The following SIX5 variants were observed in gnomAD, a reference collection of about 807,000 sequenced individuals.
SIX5 encodes homeobox protein SIX5.
SIX5 carries 21 observed loss-of-function variants against 37.1 expected under a neutral mutation model. That is an observed-to-expected ratio of 0.57 (90% CI 0.40 to 0.81). The LOEUF (loss-of-function observed/expected upper bound fraction) is 0.81. SIX5 is among the 40% of genes least tolerant of loss of function. The pLI is 0.00. For synonymous variants in SIX5, 626 were observed against 505.9 expected, an observed-to-expected ratio of 1.24 and a Z score of -3.19; for missense variants, 1,137 against 1,025.1, an observed-to-expected ratio of 1.11 and a Z score of -1.49.
intron 1 of SIX5, among the ~76,000 whole-genome samples, chr19:45,767,644 A>C (rs1398374087): frequency 6.6e-6 from 1 of 151,858 alleles, no homozygotes; most frequent in Non-Finnish European, 1.5e-5. Context: ...CCGGGCCCGG[A>C]GGGAGTGTGG....
At position 45,765,420 on chromosome 19, in the gene SIX5, C is replaced by T. The variant is rs891584801; in HGVS notation, c.*81G>A. The T allele has an allele frequency of 4.3e-5, 69 of 1,601,744 alleles. No individual in the cohort carries two copies. In the African/African-American group the frequency reaches 5.2e-4, roughly 12 times the overall value. ...TGGTGACTGGGGTCTTCAGCAACCG[C>T]ATTTCTGGGGCTCCCCCCTCCCATT... On this transcript the variant is annotated 3_prime_UTR_variant, in exon 3 of 3. Coordinates refer to ENST00000317578, the MANE Select transcript of SIX5 (RefSeq NM_175875.5).
At position 45,766,559 on chromosome 19, in the gene SIX5, C is replaced by T. The variant is rs372239517; in HGVS notation, c.1400G>A (p.Ser467Asn). Residue 467 changes from serine to asparagine, a missense_variant, in exon 2 of 3, where the codon AGC becomes AAC. This residue lies in a region of SIX5 where 787 missense variants were observed against 621.4 expected (regional missense o/e 1.27). Transcript: ENST00000317578. ...SPPPGYPTGLSPTSPLLNLPQ... is the reference protein window; with the variant it reads ...SPPPGYPTGLNPTSPLLNLPQ... ...CAGGTTCAATAGTGGGGAGGTGGGGCTCAGGCCCGTGGGATACCCCGGGGG... is the reference window on the plus strand; with the variant it reads ...CAGGTTCAATAGTGGGGAGGTGGGGTTCAGGCCCGTGGGATACCCCGGGGG... 2.3e-5 allele frequency: 34 copies of T among 1,478,256 alleles called. No homozygotes were observed. In the African/African-American group the frequency reaches 4.6e-4, roughly 20 times the overall value. 91.6% of individuals were successfully genotyped at this position (1,478,256 alleles called of 1,614,324 possible).
Position 45,768,381 on chromosome 19 carries a change from G to C in SIX5, c.464C>G (p.Ala155Gly), listed in dbSNP as rs761908391. The change falls in exon 1 of 3, where the codon GCC becomes GGC. Residue 155 changes from alanine to glycine, a missense_variant. Transcript: ENST00000317578. ...GAGGTCCTGCAGGAAGGCGTGGTGGGCGGCGGGGAAGGGGCGGCTCTCGAG... is the reference window on the plus strand; with the variant it reads ...GAGGTCCTGCAGGAAGGCGTGGTGGCCGGCGGGGAAGGGGCGGCTCTCGAG... The part of the protein sequence containing the change: ...RLLESRPFPA[A>G]HHAFLQDLYL... 6.3e-7 allele frequency: 1 copy of C among 1,584,504 alleles called. No homozygotes were observed. Among genetic ancestry groups the C allele is most frequent in the East Asian group, 2.3e-5 (1 of 43,972 alleles).
At position 45,765,908 on chromosome 19, in the gene SIX5, TG is replaced by T; in HGVS notation, c.1812del (p.Ser605AlafsTer10). ...SVPEGGLPVA[P>X]SPALPEAHAL... is the part of the protein sequence containing the mutation. ...GCGTGAGCCTCTGGGAGAGCAGGGC[TG>T]GGGGCCACCGGGAGGCCTCCCTCAG... On this transcript the variant is annotated frameshift_variant, in exon 3 of 3. Transcript: ENST00000317578. LOFTEE classifies it low-confidence loss of function (END_TRUNC). The T allele has an allele frequency of 6.3e-7, 1 of 1,590,072 alleles. No individual in the cohort carries two copies.
In SIX5 at chr19:45,765,596, T is replaced by G. The variant is rs749174953; in HGVS notation, c.2125A>C (p.Thr709Pro). Residue 709 changes from threonine (T) to proline (P), a missense_variant, in exon 3 of 3, where the codon ACC becomes CCC. Thr to Pro is a conservative substitution (Grantham distance 38). Around this residue, in one of 3 missense-constraint regions of SIX5, gnomAD observed 787 missense variants for 621.4 expected, o/e 1.27. Coordinates refer to ENST00000317578, the MANE Select transcript of SIX5 (RefSeq NM_175875.5). ...CCCTCGTCAACCTCACCCCCTGCGG[T>G]GGCCCCCAGGAGCAGCCCCTCAGGG... ...PDPEGLLLGA[T>P]AGGEVDEGLE... The G allele has an allele frequency of 1.2e-6, 2 of 1,613,290 alleles. No individual in the cohort carries two copies. The highest frequency in any genetic ancestry group is 2.2e-5 in the South Asian group (2 of 91,086).
Position 45,766,854 on chromosome 19 carries a change from G to C in SIX5, c.1105C>G (p.Pro369Ala), listed in dbSNP as rs201391763. The C allele has an allele frequency of 6.5e-7, 1 of 1,542,722 alleles. No homozygotes were observed. The highest frequency in any genetic ancestry group is 8.7e-7 in the Non-Finnish European group (1 of 1,146,492). The change falls in exon 2 of 3, where the codon CCA becomes GCA. Residue 369 changes from proline to alanine, a missense_variant. By Grantham distance (27) the Pro-to-Ala change is conservative. Coordinates refer to ENST00000317578, the MANE Select transcript of SIX5 (RefSeq NM_175875.5). ...GCCCCCTGAGGGCTGGGCTGCGGTG[G>C]AGGGGCACCCCCGCCCCCAGTGAGC... is the stretch of plus-strand genomic sequence containing the variant. Reference protein sequence around the residue: ...LLLTGGGGAPPPQPSPQGASE... With the variant: ...LLLTGGGGAPAPQPSPQGASE...
At position 45,768,244 on chromosome 19, in the gene SIX5, C is replaced by T. The variant is rs1210379232; in HGVS notation, c.601G>A (p.Gly201Ser). The stretch of plus-strand genomic sequence containing the variant: ...TTGAAGCAGTAGACTGTCTCCTCGC[C>T]GTCCCAGATGGTCTTGGGCAGCGGG... ...KFPLPKTIWD[G>S]EETVYCFKER... The change falls in exon 1 of 3, where the codon GGC becomes AGC. Residue 201 changes from glycine (G) to serine (S), a missense_variant. Gly to Ser is a moderately conservative substitution (Grantham distance 56). Coordinates refer to ENST00000317578, the MANE Select transcript of SIX5 (RefSeq NM_175875.5). 6.2e-7 allele frequency: 1 copy of T among 1,613,080 alleles called. No homozygotes were observed.
rs1037070262 is a variant in SIX5 at position 45,764,931 on chromosome 19, G to C, written c.*570C>G. The stretch of plus-strand genomic sequence containing the variant: ...TCTTTGGTCTGGGCCGGATAATGAG[G>C]ACAAGGGCTTGAGTCGAGGGGAGCT... On this transcript the variant is annotated 3_prime_UTR_variant, in exon 3 of 3. Transcript: ENST00000317578. 1 of 177,000 alleles carries C rather than the reference G, an allele frequency of 5.6e-6. No homozygotes were observed. The highest frequency in any genetic ancestry group is 1.2e-5 in the Non-Finnish European group (1 of 81,194). 11.0% of individuals were successfully genotyped at this position (177,000 alleles called of 1,614,324 possible).
Position 45,766,753 on chromosome 19 carries a change from G to C in SIX5, c.1206C>G (p.Ala402=), listed in dbSNP as rs1291994183. The C allele has an allele frequency of 6.3e-7, 1 of 1,580,550 alleles. No individual in the cohort carries two copies. The highest frequency in any genetic ancestry group is 1.8e-5 in the Admixed American group (1 of 57,060). The change falls in exon 2 of 3, where the codon GCC becomes GCG. Residue 402 remains alanine (A), a synonymous_variant. Transcript: ENST00000317578. ...EVRLEEAQSE[A]PETKGAQVAA... Reference sequence around the variant, plus strand: ...CCACCTGGGCCCCTTTGGTCTCAGGGGCCTCCGACTGAGCCTCCTCCAGCC... The same window carrying C: ...CCACCTGGGCCCCTTTGGTCTCAGGCGCCTCCGACTGAGCCTCCTCCAGCC...
At chr19:45,767,926 C>A in intron 1 of SIX5, 116 bp downstream of exon 1, 1 of 1,137,128 alleles carries the variant, frequency 8.8e-7, no homozygotes, top group Non-Finnish European at 1.2e-6. Context: ...TGAGCTGGTC[C>A]CGGGAGATGT....
Position 45,766,756 on chromosome 19 carries a change from C to T in SIX5, c.1203G>A (p.Glu401=). ...CCTGGGCCCCTTTGGTCTCAGGGGC[C>T]TCCGACTGAGCCTCCTCCAGCCGCA... ...GEVRLEEAQS[E]APETKGAQVA... The change falls in exon 2 of 3, where the codon GAG becomes GAA. Residue 401 remains glutamate, a synonymous_variant. Coordinates refer to ENST00000317578, the MANE Select transcript of SIX5 (RefSeq NM_175875.5). The T allele has an allele frequency of 6.3e-7, 1 of 1,581,108 alleles. No individual in the cohort carries two copies. The highest frequency in any genetic ancestry group is 8.6e-7 in the Non-Finnish European group (1 of 1,166,398).
chr19:45,767,470 G>A (rs1969101937), intron 1 of SIX5, among the ~76,000 whole-genome samples: 2 of 152,220 alleles, frequency 1.3e-5, no homozygotes, highest in Non-Finnish European at 2.9e-5. Context: ...CCTGGAGAGA[G>A]GGAGCAGCAG....
rs1969144316 is a variant in SIX5 at position 45,768,650 on chromosome 19, T to A, written c.195A>T (p.Gly65=). The A allele has an allele frequency of 4.3e-6, 5 of 1,158,194 alleles. No individual in the cohort carries two copies. Among genetic ancestry groups the A allele is most frequent in the Non-Finnish European group, 1.1e-6 (1 of 946,138 alleles). 71.7% of individuals were successfully genotyped at this position (1,158,194 alleles called of 1,614,324 possible). A position where few individuals can be genotyped will look rare whatever the true frequency, so the allele number is the denominator to read the frequency against. Residue 65 remains glycine, a synonymous_variant, in exon 1 of 3, where the codon GGA becomes GGT. Transcript: ENST00000317578. ...GGGGCGACCCGGGGACGCCCGGGGA[T>A]CCCGGGCCCTCAGCTCCCGCAGCCG... ...GAAAAGAEGP[G]SPGVPGSPPE...
chr19:45,766,554 T>A lies in SIX5; in HGVS notation c.1405A>T (p.Thr469Ser). Residue 469 changes from threonine (T) to serine (S), a missense_variant, in exon 2 of 3, where the codon ACC (threonine) becomes TCC (serine). Around this residue, in one of 3 missense-constraint regions of SIX5, gnomAD observed 787 missense variants for 621.4 expected, o/e 1.27. Coordinates refer to ENST00000317578, the MANE Select transcript of SIX5 (RefSeq NM_175875.5). ...PPGYPTGLSP[T>S]SPLLNLPQVV... is the part of the protein sequence containing the mutation. ...TGGGGCAGGTTCAATAGTGGGGAGG[T>A]GGGGCTCAGGCCCGTGGGATACCCC... 1 of 1,479,424 alleles carries A rather than the reference T, an allele frequency of 6.8e-7. No individual in the cohort carries two copies. The highest frequency in any genetic ancestry group is 1.8e-4 in the Middle Eastern group (1 of 5,572). The allele number at this position is 1,479,424 out of a possible 1,614,324, so 91.6% of individuals were successfully genotyped here.
chr19:45,768,578 C>T lies in SIX5; in HGVS notation c.267G>A (p.Glu89=), dbSNP rs1969139331. The part of the protein sequence containing the change: ...EPPTGLRFSP[E]QVACVCEALL... ...GCGCCTCGCAGACGCACGCCACCTG[C>T]TCGGGCGAGAAGCGGAGGCCCGTGG... Residue 89 remains glutamate, a synonymous_variant, in exon 1 of 3, where the codon GAG becomes GAA. Transcript: ENST00000317578. 3 of 1,366,744 alleles carry T rather than the reference C, an allele frequency of 2.2e-6. No individual in the cohort carries two copies. The allele number at this position is 1,366,744 out of a possible 1,614,324, so 84.7% of individuals were successfully genotyped here.
Position 45,767,117 on chromosome 19 carries a change from C to T in SIX5, c.842G>A (p.Ser281Asn). ...DGNPTTEDES[S>N]RSPEDLERGA... ...TCTCTCCAGGTCCTCAGGACTTCGGCTGGACTCGTCCTCAGTCGTGGGATT... is the reference window on the plus strand; with the variant it reads ...TCTCTCCAGGTCCTCAGGACTTCGGTTGGACTCGTCCTCAGTCGTGGGATT... Residue 281 changes from serine to asparagine, a missense_variant, in exon 2 of 3, where the codon AGC becomes AAC. Ser to Asn is a conservative substitution (Grantham distance 46). This residue lies in a region of SIX5 where 787 missense variants were observed against 621.4 expected (regional missense o/e 1.27). Transcript: ENST00000317578. 3 of 1,612,326 alleles carry T rather than the reference C, an allele frequency of 1.9e-6. No individual in the cohort carries two copies. Among genetic ancestry groups the T allele is most frequent in the Non-Finnish European group, 2.5e-6 (3 of 1,179,844 alleles).
In SIX5 at chr19:45,765,835, G is replaced by A. The variant is rs1444562275; in HGVS notation, c.1886C>T (p.Thr629Ile). 8 of 1,601,808 alleles carry A rather than the reference G, an allele frequency of 5.0e-6. No homozygotes were observed. In the South Asian group the frequency reaches 7.7e-5, roughly 15 times the overall value. Residue 629 changes from threonine (T) to isoleucine (I), a missense_variant, in exon 3 of 3, where the codon ACC becomes ATC. By Grantham distance (89) the Thr-to-Ile change is moderately conservative (BLOSUM62 -1). This residue lies in a region of SIX5 where 787 missense variants were observed against 621.4 expected (regional missense o/e 1.27). Transcript: ENST00000317578. ...AQQPPPAAAT[T>I]SSTSLPFSPD... is the part of the protein sequence containing the mutation. ...GGAGAAGGGCAGGCTGGTGCTGGAG[G>A]TGGTGGCAGCGGCGGGGGGTGGCTG...
chr19:45,765,123 G>A lies in SIX5; in HGVS notation c.*378C>T. ...CCAGCTATCGGCAGAGCTATTAATAGTGTTTCAGGGAGTGACAGGGAGAGG... is the reference window on the plus strand; with the variant it reads ...CCAGCTATCGGCAGAGCTATTAATAATGTTTCAGGGAGTGACAGGGAGAGG... On this transcript the variant is annotated 3_prime_UTR_variant, in exon 3 of 3. Transcript: ENST00000317578. 1 of 348,026 alleles carries A rather than the reference G, an allele frequency of 2.9e-6. No individual in the cohort carries two copies. Among genetic ancestry groups the A allele is most frequent in the South Asian group, 2.9e-5 (1 of 34,346 alleles). 21.6% of individuals were successfully genotyped at this position (348,026 alleles called of 1,614,324 possible). A position where few individuals can be genotyped will look rare whatever the true frequency, so the allele number is the denominator to read the frequency against.
At chr19:45,767,969 G>A in intron 1 of SIX5, 73 bp downstream of exon 1, 4 of 1,477,750 alleles carry the variant, frequency 2.7e-6, no homozygotes, top group Non-Finnish European at 3.7e-6. Context: ...CCCAGCAGTG[G>A]GCACGGGGGA....
Sources: gnomAD v4.1 joint callset for allele counts (sites outside exome capture counted in the v4.1 genomes callset) on GRCh38, gnomAD v4.1.1 for gene constraint, gnomAD v4.1.1 regional missense constraint, MANE v1.5 for transcripts, NCBI Gene and HGNC (gene_info 2026-07-23, HGNC 2026-07-21) for gene names.